SLC45A2: variants seen among roughly 807,000 people sequenced by gnomAD.
SLC45A2 encodes the protein solute carrier family 45 member 2, also known as membrane-associated transporter protein.
In SLC45A2, 36 loss-of-function variants were observed where a neutral mutation model predicts 45.5. That is an observed-to-expected ratio of 0.79 (90% confidence interval 0.61 to 1.04). The LOEUF (loss-of-function observed/expected upper bound fraction) is 1.04. SLC45A2 is among the 50% of genes least tolerant of loss of function. The probability of loss-of-function intolerance (pLI) is 0.00; values close to 1 mark genes in which losing one functional copy is unlikely to be tolerated. For missense variants in SLC45A2, 719 were observed against 671.0 expected, an observed-to-expected ratio of 1.07 and a Z score of -0.79; for synonymous variants, 306 against 269.3, an observed-to-expected ratio of 1.14 and a Z score of -1.33.
In SLC45A2 at chr5:33,951,579, G is replaced by C; in HGVS notation, c.1131C>G (p.Asn377Lys). ...AAGAATAAAGTGAGGAAAACACGGA[G>C]TTGATGCACAAGCCCCAACATCCAA... Reference protein sequence around the residue: ...VEVGCWGLCINSVFSSLYSYF... With the variant: ...VEVGCWGLCIKSVFSSLYSYF... Residue 377 changes from asparagine (N) to lysine (K), a missense_variant, in exon 5 of 7, where the codon AAC becomes AAG. Transcript: ENST00000296589. 6.2e-7 allele frequency: 1 copy of C among 1,614,146 alleles called. No homozygotes were observed. The highest frequency in any genetic ancestry group is 8.5e-7 in the Non-Finnish European group (1 of 1,179,994).
Position 33,984,645 on chromosome 5 carries a change from G to C in SLC45A2, c.-62C>G. Reference sequence around the variant, plus strand: ...CCTCCTGCGTGGTCCTAGGGTCTGTGTTTCAAACTGGATTTGACGTGGAGC... The same window carrying C: ...CCTCCTGCGTGGTCCTAGGGTCTGTCTTTCAAACTGGATTTGACGTGGAGC... On this transcript the variant is annotated 5_prime_UTR_variant, in exon 1 of 7. Coordinates refer to ENST00000296589, the MANE Select transcript of SLC45A2 (RefSeq NM_016180.5). 1 of 1,597,924 alleles carries C rather than the reference G, an allele frequency of 6.3e-7. No homozygotes were observed. The highest frequency in any genetic ancestry group is 8.5e-7 in the Non-Finnish European group (1 of 1,178,402).
intron 2 of SLC45A2, among the ~76,000 whole-genome samples, chr5:33,970,606 A>C (rs2111982551): frequency 6.6e-6 from 1 of 151,506 alleles, no homozygotes; most frequent in South Asian, 2.1e-4. Context: ...TTTTACCCCT[A>C]GTCTACCACT....
Position 33,982,301 on chromosome 5 carries a change from T to C in SLC45A2, c.497A>G (p.Tyr166Cys), listed in dbSNP as rs752655063. The change falls in exon 2 of 7, where the codon TAC becomes TGC. Residue 166 changes from tyrosine to cysteine, a missense_variant. Tyr to Cys is a radical substitution (Grantham distance 194). Transcript: ENST00000296589. ...CTGATGGGAGCAGACATCAAATAAG[T>C]AGGCTTTGATGGGCCCATCAATGAA... is the stretch of plus-strand genomic sequence containing the variant. Reference protein sequence around the residue: ...ADFIDGPIKAYLFDVCSHQDK... With the variant: ...ADFIDGPIKACLFDVCSHQDK... The C allele has an allele frequency of 1.5e-5, 24 of 1,614,020 alleles. No homozygotes were observed. Among genetic ancestry groups the C allele is most frequent in the Non-Finnish European group, 1.8e-5 (21 of 1,180,002 alleles).
At chr5:33,966,427 C>CTTTTTTTT (rs367752652) in intron 2 of SLC45A2, among the ~76,000 whole-genome samples, 50 of 95,158 alleles carry the variant, frequency 5.3e-4, no homozygotes, top group East Asian at 3.3e-3. Flanking sequence ...AAGCTACTTT[C>CTTTTTTTT]TTTTTTTTTT....
intron 4 of SLC45A2, 47 bp from the exon 5 acceptor site, chr5:33,951,724 AG>A: frequency 6.2e-7 from 1 of 1,613,368 alleles, no homozygotes; most frequent in Non-Finnish European, 8.5e-7. Flanking sequence ...CAATGTAGTA[AG>A]AACCCTTCTC....
At position 33,954,494 on chromosome 5, in the gene SLC45A2, G is replaced by A. The variant is rs770885504; in HGVS notation, c.899C>T (p.Ala300Val). Residue 300 changes from alanine to valine, a missense_variant, in exon 4 of 7, where the codon GCA becomes GTA. Physicochemically the swap from Ala to Val is moderately conservative, Grantham distance 64. Transcript: ENST00000296589. Reference protein sequence around the residue: ...NKNHAEQTRRAMTLKSLLRAL... With the variant: ...NKNHAEQTRRVMTLKSLLRAL... ...TCTCAGCAGTGACTTTAATGTCATTGCCCTGCGAGTCTGAAATAAAACATG... is the reference window on the plus strand; with the variant it reads ...TCTCAGCAGTGACTTTAATGTCATTACCCTGCGAGTCTGAAATAAAACATG... The A allele has an allele frequency of 3.3e-5, 53 of 1,613,894 alleles. 2 individuals are homozygous for A. In the South Asian group the frequency reaches 5.6e-4, roughly 17 times the overall value.
intron 2 of SLC45A2, among the ~76,000 whole-genome samples, chr5:33,978,827 T>C (rs538751323): frequency 5.3e-5 from 8 of 152,346 alleles, no homozygotes; most frequent in Admixed American, 2.0e-4. Flanking sequence ...TTCCAAGCCA[T>C]AGTCATTCAT....
At chr5:33,970,785 A>G in intron 2 of SLC45A2, 1 of 262,998 alleles carries the variant, frequency 3.8e-6, no homozygotes, top group Non-Finnish European at 7.5e-6. Flanking sequence ...CAGGAAACAC[A>G]ATGTTCTTGT....
chr5:33,969,692 C>A (rs1752725824), intron 2 of SLC45A2, among the ~76,000 whole-genome samples: 1 of 152,176 alleles, frequency 6.6e-6, no homozygotes, highest in African/African-American at 2.4e-5. Flanking sequence ...TGGGTGCACA[C>A]ATATTGGTAA....
At chr5:33,964,695 T>C (rs1342907384) in intron 2 of SLC45A2, among the ~76,000 whole-genome samples, 1 of 152,200 alleles carries the variant, frequency 6.6e-6, no homozygotes, top group Admixed American at 6.5e-5. Flanking sequence ...GTGCTTGTTT[T>C]ATCTTCTCAG....
intron 2 of SLC45A2, among the ~76,000 whole-genome samples, chr5:33,976,598 G>A (rs1030743048): frequency 2.0e-5 from 3 of 152,154 alleles, no homozygotes; most frequent in African/African-American, 4.8e-5. Context: ...AGGGGTGAGG[G>A]GGGTGGGGGA....
rs375077956 is a variant in SLC45A2 at position 33,963,781 on chromosome 5, G to A, written c.798C>T (p.Tyr266=). ...QDPPLSSDGM[Y]EYGSIEKVKN... ...TAACTTTCTCGATAGAACCATACTC[G>A]TACATTCCATCTGATGACAATGGAG... Residue 266 remains tyrosine, a synonymous_variant, in exon 3 of 7, where the codon TAC becomes TAT. Transcript: ENST00000296589. The A allele has an allele frequency of 1.6e-5, 26 of 1,613,958 alleles. No homozygotes were observed. Among genetic ancestry groups the A allele is most frequent in the Middle Eastern group, 1.6e-4 (1 of 6,084 alleles).
At chr5:33,974,318 A>T (rs984813947) in intron 2 of SLC45A2, among the ~76,000 whole-genome samples, 1 of 152,180 alleles carries the variant, frequency 6.6e-6, no homozygotes, top group African/African-American at 2.4e-5. Context: ...TCTCCCTAGG[A>T]GCCAGTACAG....
At chr5:33,960,609 G>T (rs566301341) in intron 3 of SLC45A2, among the ~76,000 whole-genome samples, 1 of 152,260 alleles carries the variant, frequency 6.6e-6, no homozygotes, top group East Asian at 1.9e-4. Context: ...GACTCAGGGG[G>T]TAAGTGTGGA....
chr5:33,956,455 GT>G (rs34466007), intron 3 of SLC45A2, among the ~76,000 whole-genome samples: 104,565 of 152,030 alleles, frequency 0.69, 44,380 homozygotes, highest in Non-Finnish European at 0.97. Context: ...CATGACAACA[GT>G]TTTTTTGGGG....
intron 3 of SLC45A2, 148 bp from the exon 4 acceptor site, chr5:33,954,652 G>A (rs1365323600): frequency 4.3e-6 from 5 of 1,150,216 alleles, no homozygotes; most frequent in South Asian, 1.3e-5. Flanking sequence ...AGGTTTCCAT[G>A]GAGTAGACTC....
intron 6 of SLC45A2, chr5:33,946,697 C>T (rs1412464412): frequency 9.5e-7 from 1 of 1,050,396 alleles, no homozygotes; most frequent in East Asian, 8.1e-5. Context: ...TAGGACTTTC[C>T]TACCCTCAGC....
intron 2 of SLC45A2, among the ~76,000 whole-genome samples, chr5:33,981,316 C>A (rs933332416): frequency 6.6e-6 from 1 of 152,202 alleles, no homozygotes; most frequent in South Asian, 2.1e-4. Context: ...CATGGGCAGG[C>A]AGCAGTCTTA....
chr5:33,967,322 A>C (rs1712552563), intron 2 of SLC45A2, among the ~76,000 whole-genome samples: 1 of 152,218 alleles, frequency 6.6e-6, no homozygotes, highest in Non-Finnish European at 1.5e-5. Context: ...TAAAAATTGC[A>C]ACTGCTTGAC....
Sources: gnomAD v4.1 joint callset for allele counts (sites outside exome capture counted in the v4.1 genomes callset) on GRCh38, gnomAD v4.1.1 for gene constraint, MANE v1.5 for transcripts, NCBI Gene and HGNC (gene_info 2026-07-23, HGNC 2026-07-21) for gene names.